The following GALNT18 variants were observed in gnomAD, a reference collection of about 807,000 sequenced individuals.
GALNT18 encodes polypeptide N-acetylgalactosaminyltransferase 18, also known as GalNAc-transferase 18.
In GALNT18, 44 loss-of-function variants were observed where a neutral mutation model predicts 69.5. The observed-to-expected ratio is 0.63, with a 90% CI of 0.50 to 0.81. GALNT18 has a LOEUF of 0.81. Ranked by LOEUF, GALNT18 falls within the 40% of genes least tolerant of loss-of-function variation. The probability of loss-of-function intolerance (pLI) is 0.00; values close to 1 mark genes in which losing one functional copy is unlikely to be tolerated. For missense variants in GALNT18, 715 were observed against 810.0 expected, an observed-to-expected ratio of 0.88 and a Z score of 1.42; for synonymous variants, 364 against 318.2, an observed-to-expected ratio of 1.14 and a Z score of -1.53.
intron 9 of GALNT18, among the ~76,000 whole-genome samples, chr11:11,312,953 A>G (rs767312314): frequency 3.3e-5 from 5 of 152,350 alleles, no homozygotes; most frequent in Non-Finnish European, 5.9e-5. Flanking sequence ...AAAGACCATC[A>G]GGTGTAACAA....
chr11:11,276,294 A>G lies in GALNT18; in HGVS notation c.1678-5004T>C, dbSNP rs189797961. On this transcript the variant is annotated intron_variant, in intron 10 of 10. Coordinates refer to ENST00000227756, the MANE Select transcript of GALNT18 (RefSeq NM_198516.3). ...TAGGTATTTTATTCTCTTTGTAGCA[A>G]TTGTGAATGGGTGTTCACTCATGAT... Among the ~76,000 whole-genome samples, 367 of 152,058 alleles carry G rather than the reference A, an allele frequency of 2.4e-3. 1 individual carries two copies. The highest frequency in any genetic ancestry group is 8.2e-3 in the African/African-American group (342 of 41,538).
At chr11:11,273,666 G>A (rs1848874017) in intron 10 of GALNT18, among the ~76,000 whole-genome samples, 2 of 152,074 alleles carry the variant, frequency 1.3e-5, no homozygotes, top group South Asian at 4.1e-4. Flanking sequence ...TAAAACTACT[G>A]TATAATCTAG....
chr11:11,434,538 A>G (rs1175719830), intron 2 of GALNT18, among the ~76,000 whole-genome samples: 1 of 152,216 alleles, frequency 6.6e-6, no homozygotes, highest in African/African-American at 2.4e-5. Context: ...AACTCTAGGC[A>G]AGAGAATGAG....
chr11:11,399,520 G>C (rs192321606), intron 3 of GALNT18, among the ~76,000 whole-genome samples: 301 of 152,262 alleles, frequency 2.0e-3, no homozygotes, highest in Non-Finnish European at 3.4e-3. Context: ...TAACAGGCTA[G>C]GGCTGCAGGT....
At chr11:11,271,905 A>T (rs966727762) in intron 10 of GALNT18, among the ~76,000 whole-genome samples, 1 of 152,142 alleles carries the variant, frequency 6.6e-6, no homozygotes, top group Non-Finnish European at 1.5e-5. Context: ...TGCTCCTCAT[A>T]TCAGCCCTAT....
intron 1 of GALNT18, among the ~76,000 whole-genome samples, chr11:11,485,302 G>T (rs1856620186): frequency 6.6e-6 from 1 of 152,150 alleles, no homozygotes; most frequent in Non-Finnish European, 1.5e-5. Context: ...GTAGCAGGTG[G>T]TTACCTATCC....
Position 11,435,165 on chromosome 11 carries a change from C to T in GALNT18, c.429-2378G>A, listed in dbSNP as rs1342384411. 2.0e-5 allele frequency among the ~76,000 whole-genome samples: 3 copies of T among 152,216 alleles called. No individual in the cohort carries two copies. The highest frequency in any genetic ancestry group is 4.4e-5 in the Non-Finnish European group (3 of 68,044). On this transcript the variant is annotated intron_variant, in intron 2 of 10. Coordinates refer to ENST00000227756, the MANE Select transcript of GALNT18 (RefSeq NM_198516.3). This position sits in a 1 kb window ranked among gnomAD's most constrained non-coding sequence, Gnocchi z 4.4. ...GACTTTGCTTCTGTATCTCTCTGCACTTCCCCACGGGGTCTGCACTGCGTT... is the reference window on the plus strand; with the variant it reads ...GACTTTGCTTCTGTATCTCTCTGCATTTCCCCACGGGGTCTGCACTGCGTT...
rs571943557 is a variant in GALNT18, at chr11:11,320,715, C to T, written c.1512+6371G>A. ...ACCTTTCACTCATCCCCTGCCCCTGCGTTCATCATGGGTGGATGTAGGAGC... is the reference window on the plus strand; with the variant it reads ...ACCTTTCACTCATCCCCTGCCCCTGTGTTCATCATGGGTGGATGTAGGAGC... On this transcript the variant is annotated intron_variant, in intron 9 of 10. Coordinates refer to ENST00000227756, the MANE Select transcript of GALNT18 (RefSeq NM_198516.3). The surrounding 1 kb of genome is among the most constrained non-coding windows in gnomAD (Gnocchi z 4.9). Among the ~76,000 whole-genome samples, 80 of 152,288 alleles carry T rather than the reference C, an allele frequency of 5.3e-4. 2 individuals are homozygous for T. The South Asian group carries it at 7.9e-3, about 15-fold the overall frequency.
intron 1 of GALNT18, among the ~76,000 whole-genome samples, chr11:11,557,934 G>T (rs142646712): frequency 6.6e-6 from 1 of 152,306 alleles, no homozygotes; most frequent in Non-Finnish European, 1.5e-5. Flanking sequence ...CTCAACTGAA[G>T]AACGAATTCA....
chr11:11,431,368 C>T (rs532114311), intron 3 of GALNT18, among the ~76,000 whole-genome samples: 3 of 152,228 alleles, frequency 2.0e-5, no homozygotes, highest in East Asian at 1.9e-4. Context: ...CTTAGGCGCC[C>T]GTTTTTTGGG....
intron 1 of GALNT18, among the ~76,000 whole-genome samples, chr11:11,502,663 C>T (rs1856997918): frequency 6.6e-6 from 1 of 152,240 alleles, no homozygotes; most frequent in African/African-American, 2.4e-5. Flanking sequence ...CCTCTGATCG[C>T]TTCTGTTAGC....
chr11:11,384,643 A>T (rs1346023092), intron 3 of GALNT18, among the ~76,000 whole-genome samples: 1 of 152,202 alleles, frequency 6.6e-6, no homozygotes, highest in African/African-American at 2.4e-5. Flanking sequence ...AAGGGGCTCC[A>T]GAGAGTGCTC....
chr11:11,429,477 C>T (rs930382803), intron 3 of GALNT18, among the ~76,000 whole-genome samples: 2 of 152,186 alleles, frequency 1.3e-5, no homozygotes, highest in African/African-American at 4.8e-5. Context: ...CTGGGGCTCC[C>T]GCCGTGCAGT....
intron 3 of GALNT18, among the ~76,000 whole-genome samples, chr11:11,400,995 C>G (rs529721452): frequency 6.6e-6 from 1 of 152,064 alleles, no homozygotes; most frequent in African/African-American, 2.4e-5. Context: ...GGCTGAGGGT[C>G]GGCCGGGGCA....
intron 10 of GALNT18, among the ~76,000 whole-genome samples, chr11:11,282,498 A>C (rs1273383864): frequency 6.6e-6 from 1 of 152,252 alleles, no homozygotes; most frequent in Non-Finnish European, 1.5e-5. Flanking sequence ...AGACTTGTCC[A>C]GGGTCACATG....
At chr11:11,451,579 T>C (rs574047239) in intron 1 of GALNT18, among the ~76,000 whole-genome samples, 32 of 152,292 alleles carry the variant, frequency 2.1e-4, no homozygotes, top group African/African-American at 7.2e-4. Flanking sequence ...TTTGTTGAAT[T>C]TCTGCCAAGA....
chr11:11,360,978 G>T (rs1344518712), intron 6 of GALNT18, among the ~76,000 whole-genome samples: 3 of 152,286 alleles, frequency 2.0e-5, no homozygotes, highest in South Asian at 4.1e-4. Context: ...AGTCCTCAAA[G>T]TCAAAATGGA....
At chr11:11,481,798 C>A (rs1856537087) in intron 1 of GALNT18, among the ~76,000 whole-genome samples, 2 of 152,180 alleles carry the variant, frequency 1.3e-5, no homozygotes, top group South Asian at 4.1e-4. Flanking sequence ...TGTCATCACC[C>A]CTCCTACCCT....
intron 1 of GALNT18, among the ~76,000 whole-genome samples, chr11:11,458,126 C>T (rs147541535): frequency 1.6e-4 from 25 of 152,310 alleles, no homozygotes; most frequent in African/African-American, 5.8e-4. Flanking sequence ...GTCTGCTATT[C>T]GCTCTCTTTG....
Sources: allele counts gnomAD v4.1 joint callset (sites outside exome capture counted in the v4.1 genomes callset), GRCh38; gene constraint gnomAD v4.1.1; non-coding constraint Gnocchi (gnomAD v3.1); transcripts MANE v1.5; gene names NCBI Gene and HGNC (gene_info 2026-07-23, HGNC 2026-07-21).